Variants in CACNA2D3 observed in about 807,000 individuals in gnomAD.
CACNA2D3 encodes calcium voltage-gated channel auxiliary subunit alpha2delta 3, also known as voltage-dependent calcium channel subunit alpha-2/delta-3.
In CACNA2D3, 60 loss-of-function variants were observed where a neutral mutation model predicts 160.6. The observed-to-expected ratio is 0.37, with a 90% CI of 0.30 to 0.46. The LOEUF is 0.46. Among genes scored for constraint, CACNA2D3 ranks in the 20% least tolerant of loss-of-function variants. CACNA2D3 has a pLI of 1.00. For synonymous variants in CACNA2D3, 558 were observed against 492.9 expected, an observed-to-expected ratio of 1.13 and a Z score of -1.75; for missense variants, 1,205 against 1,365.0, an observed-to-expected ratio of 0.88 and a Z score of 1.85.
rs149093173 is a variant in CACNA2D3 at position 54,809,255 on chromosome 3, TCTTCCTTC to T, written c.1381-7590_1381-7583del. 8.5e-3 allele frequency among the ~76,000 whole-genome samples: 1,265 copies of T among 148,878 alleles called. 11 individuals carry two copies. The highest frequency in any genetic ancestry group is 0.029 in the African/African-American group (1,144 of 39,902). The stretch of plus-strand genomic sequence containing the variant: ...CTCTTTCTCTCCCTCTCTCTTCCTT[TCTTCCTTC>T]CTTCCTTTATCTCTTTCTTCTCTCT... On this transcript the variant is annotated intron_variant, in intron 13 of 37. Transcript: ENST00000474759.
At chr3:54,348,987 C>T (rs1262451023) in intron 3 of CACNA2D3, among the ~76,000 whole-genome samples, 2 of 152,172 alleles carry the variant, frequency 1.3e-5, no homozygotes, top group Non-Finnish European at 2.9e-5. Context: ...CTCAGCCTCC[C>T]AAAGTGCTGG....
At chr3:54,789,590 C>G (rs1166717286) in intron 13 of CACNA2D3, among the ~76,000 whole-genome samples, 1 of 152,190 alleles carries the variant, frequency 6.6e-6, no homozygotes, top group East Asian at 1.9e-4. Context: ...TTTCCAAAAT[C>G]AAACTGTTTT....
At chr3:54,770,571 G>C (rs1324289144) in intron 13 of CACNA2D3, among the ~76,000 whole-genome samples, 1 of 152,170 alleles carries the variant, frequency 6.6e-6, no homozygotes, top group South Asian at 2.1e-4. Context: ...CGGGAAAAGG[G>C]TTAATTGGCC....
intron 27 of CACNA2D3, among the ~76,000 whole-genome samples, chr3:54,960,485 A>AT (rs1389399721): frequency 7.3e-5 from 11 of 151,698 alleles, no homozygotes; most frequent in African/African-American, 9.7e-5. Flanking sequence ...TGCTGTGAGA[A>AT]TTTTTTTTTC....
intron 2 of CACNA2D3, among the ~76,000 whole-genome samples, chr3:54,131,855 T>A (rs1699715553): frequency 6.6e-6 from 1 of 152,206 alleles, no homozygotes; most frequent in African/African-American, 2.4e-5. Context: ...GCTGTAACAT[T>A]GTGCTATAAT....
intron 11 of CACNA2D3, among the ~76,000 whole-genome samples, chr3:54,678,621 T>C (rs1700283922): frequency 7.0e-6 from 1 of 143,876 alleles, no homozygotes; most frequent in African/African-American, 2.6e-5. Context: ...CTTGGGAGGC[T>C]GAGGCAGAAG....
At chr3:54,137,566 A>G (rs752739338) in intron 2 of CACNA2D3, among the ~76,000 whole-genome samples, 2 of 152,220 alleles carry the variant, frequency 1.3e-5, no homozygotes, top group Non-Finnish European at 2.9e-5. Flanking sequence ...TTTCTAAGTC[A>G]GTGCCTTTCA....
chr3:54,403,438 A>G (rs959341013), intron 4 of CACNA2D3, among the ~76,000 whole-genome samples: 1 of 152,040 alleles, frequency 6.6e-6, no homozygotes, highest in African/African-American at 2.4e-5. Context: ...AAGGTAGTGA[A>G]GACATAACAT....
At chr3:54,667,061 G>A (rs1700080363) in intron 11 of CACNA2D3, among the ~76,000 whole-genome samples, 1 of 152,190 alleles carries the variant, frequency 6.6e-6, no homozygotes, top group South Asian at 2.1e-4. Context: ...GTTTTTAGCA[G>A]AAGCAGCTCA....
At chr3:54,669,079 C>T (rs1700115607) in intron 11 of CACNA2D3, among the ~76,000 whole-genome samples, 1 of 152,176 alleles carries the variant, frequency 6.6e-6, no homozygotes, top group African/African-American at 2.4e-5. Flanking sequence ...TTGTTTGGCT[C>T]CTTCCTGAAA....
intron 5 of CACNA2D3, among the ~76,000 whole-genome samples, chr3:54,559,126 A>G (rs1702284863): frequency 6.6e-6 from 1 of 152,114 alleles, no homozygotes; most frequent in African/African-American, 2.4e-5. Context: ...TAAGAACGGA[A>G]TGTTGCTTAA....
chr3:54,626,593 C>A (rs2106814808), intron 9 of CACNA2D3: 3 of 1,518,722 alleles, frequency 2.0e-6, no homozygotes, highest in Non-Finnish European at 2.7e-6. Flanking sequence ...GCCCATAAAG[C>A]ACGGCGGGCC....
intron 27 of CACNA2D3, chr3:54,924,739 C>G: frequency 1.2e-6 from 2 of 1,614,152 alleles, no homozygotes; most frequent in South Asian, 1.1e-5. Context: ...AGCGCTCGAT[C>G]AAGCTGCTGA....
chr3:54,327,080 C>T (rs1458058170), intron 3 of CACNA2D3, among the ~76,000 whole-genome samples: 2 of 152,164 alleles, frequency 1.3e-5, no homozygotes, highest in Non-Finnish European at 2.9e-5. Flanking sequence ...GGTCAGTGAA[C>T]CATCTTTGGT....
chr3:54,958,785 A>G lies in CACNA2D3; in HGVS notation c.2450-9665A>G, dbSNP rs1701963835. On this transcript the variant is annotated intron_variant, in intron 27 of 37. Coordinates refer to ENST00000474759, the MANE Select transcript of CACNA2D3 (RefSeq NM_018398.3). Reference sequence around the variant, plus strand: ...GGATGTTCTGTGTAACCCCCAGCCTAGAGTTGCCAGATTTAGTAAACCAAA... The same window carrying G: ...GGATGTTCTGTGTAACCCCCAGCCTGGAGTTGCCAGATTTAGTAAACCAAA... Among the ~76,000 whole-genome samples, 2 of 151,840 alleles carry G rather than the reference A, an allele frequency of 1.3e-5. 1 individual carries two copies. Among genetic ancestry groups the G allele is most frequent in the South Asian group, 4.2e-4 (2 of 4,802 alleles).
At chr3:54,807,491 A>G (rs975634692) in intron 13 of CACNA2D3, among the ~76,000 whole-genome samples, 13 of 152,330 alleles carry the variant, frequency 8.5e-5, no homozygotes, top group African/African-American at 2.6e-4. Context: ...AATGCAAATC[A>G]AAACCACAAT....
At chr3:54,523,063 G>C (rs1332408453) in intron 5 of CACNA2D3, among the ~76,000 whole-genome samples, 1 of 151,894 alleles carries the variant, frequency 6.6e-6, no homozygotes, top group Non-Finnish European at 1.5e-5. Flanking sequence ...TCATTGTTTT[G>C]ATGGCCTTTA....
At chr3:55,042,238 G>A (rs1356787746) in intron 35 of CACNA2D3, among the ~76,000 whole-genome samples, 1 of 152,108 alleles carries the variant, frequency 6.6e-6, no homozygotes. Flanking sequence ...TCCCAAGAGA[G>A]ATTTGTTAAA....
At chr3:54,379,260 G>A (rs1699060766) in intron 3 of CACNA2D3, among the ~76,000 whole-genome samples, 1 of 152,136 alleles carries the variant, frequency 6.6e-6, no homozygotes, top group Admixed American at 6.5e-5. Context: ...CAGGCAGAAG[G>A]TCATTTTATA....
Sources: gnomAD v4.1 joint callset for allele counts (sites outside exome capture counted in the v4.1 genomes callset) on GRCh38, gnomAD v4.1.1 for gene constraint, MANE v1.5 for transcripts, NCBI Gene and HGNC (gene_info 2026-07-23, HGNC 2026-07-21) for gene names.